The following MAOA variants were observed in gnomAD, a reference collection of about 807,000 sequenced individuals.
MAOA encodes the protein monoamine oxidase A, also known as amine oxidase [flavin-containing] A.
In MAOA, 6 loss-of-function variants were observed where a neutral mutation model predicts 42.0. The observed-to-expected ratio is 0.14, with a 90% CI of 0.08 to 0.28. MAOA has a LOEUF of 0.28. Ranked by LOEUF, MAOA falls within the 10% of genes least tolerant of loss-of-function variation. The pLI is 1.00. For synonymous variants in MAOA, 140 were observed against 154.0 expected, an observed-to-expected ratio of 0.91 and a Z score of 0.67; for missense variants, 262 against 422.3, an observed-to-expected ratio of 0.62 and a Z score of 3.33.
chrX:43,669,061 C>T (rs2033306357), intron 1 of MAOA, among the ~76,000 whole-genome samples: 1 of 110,366 alleles, frequency 9.1e-6, no homozygotes, highest in South Asian at 3.8e-4. Context: ...AAGAAGTGAG[C>T]TTATTTTTTT....
chrX:43,666,298 C>T (rs1315107713), intron 1 of MAOA, among the ~76,000 whole-genome samples: 2 of 112,098 alleles, frequency 1.8e-5, no homozygotes, highest in Non-Finnish European at 3.8e-5. Flanking sequence ...TTCCCCATAA[C>T]TCTTCTTCCC....
chrX:43,662,953 T>C (rs1271020132), intron 1 of MAOA, among the ~76,000 whole-genome samples: 2 of 111,715 alleles, frequency 1.8e-5, no homozygotes, highest in African/African-American at 6.5e-5. Flanking sequence ...TTACCAGCAA[T>C]TTGTATTTTC....
chrX:43,683,538 T>A lies in MAOA; in HGVS notation c.99T>A (p.Thr33=). Residue 33 remains threonine (T), a synonymous_variant, in exon 2 of 15, where the codon ACT becomes ACA. Coordinates refer to ENST00000338702, the MANE Select transcript of MAOA (RefSeq NM_000240.4). ...ISGLSAAKLL[T]EYGVSVLVLE... The stretch of plus-strand genomic sequence containing the variant: ...GACTATCTGCTGCCAAACTCTTGAC[T>A]GAATATGGCGTTAGTGTTTTGGTTT... The A allele has an allele frequency of 8.3e-7, 1 of 1,210,767 alleles. No homozygotes were observed. Among genetic ancestry groups the A allele is most frequent in the Non-Finnish European group, 1.1e-6 (1 of 894,387 alleles).
Position 43,711,929 on chromosome X carries a change from T to C in MAOA, c.364T>C (p.Leu122=), listed in dbSNP as rs998379823. 7 of 1,207,402 alleles carry C rather than the reference T, an allele frequency of 5.8e-6. No homozygotes were observed. The South Asian group carries it at 1.1e-4, about 18-fold the overall frequency. The change falls in exon 4 of 15, where the codon TTG becomes CTG. Residue 122 remains leucine, a synonymous_variant. Transcript: ENST00000338702. ...ACCAGTATGGAATCCCATTGCATATTTGGATTACAATAATCTGTGGAGGAC... is the reference window on the plus strand; with the variant it reads ...ACCAGTATGGAATCCCATTGCATATCTGGATTACAATAATCTGTGGAGGAC... ...FPPVWNPIAY[L]DYNNLWRTID...
At chrX:43,728,137 A>G in intron 5 of MAOA, 36 bp from the exon 6 acceptor site, 1 of 1,193,138 alleles carries the variant, frequency 8.4e-7, no homozygotes, top group Non-Finnish European at 1.1e-6. Flanking sequence ...TCCTGTACAT[A>G]TTGACACCTG....
Position 43,732,571 on chromosome X carries a change from G to C in MAOA, c.956-128G>C, listed in dbSNP as rs1601947851. 3 of 514,549 alleles carry C rather than the reference G, an allele frequency of 5.8e-6. No homozygotes were observed. The East Asian group carries it at 1.1e-4, about 19-fold the overall frequency. The allele number at this position is 514,549 out of a possible 1,213,427, so 42.4% of individuals were successfully genotyped here. A position where few individuals can be genotyped will look rare whatever the true frequency, so the allele number is the denominator to read the frequency against. ...GTGTGTATTTAACAAGACATGTAGG[G>C]TTGGGGCCAAGACCAAGAGTTTAAG... is the stretch of plus-strand genomic sequence containing the variant. On this transcript the variant is annotated intron_variant, in intron 8 of 14. Coordinates refer to ENST00000338702, the MANE Select transcript of MAOA (RefSeq NM_000240.4).
At chrX:43,679,798 A>G (rs1346130767) in intron 1 of MAOA, among the ~76,000 whole-genome samples, 1 of 112,426 alleles carries the variant, frequency 8.9e-6, no homozygotes, top group Non-Finnish European at 1.9e-5. Flanking sequence ...AATATGGAGT[A>G]TTACTTTGAG....
intron 5 of MAOA, among the ~76,000 whole-genome samples, chrX:43,722,231 G>A (rs775093515): frequency 2.1e-4 from 24 of 111,979 alleles, no homozygotes; most frequent in African/African-American, 6.8e-4. Context: ...GTGTCAAATG[G>A]TATTTCTAGT....
Position 43,731,734 on chromosome X carries a change from C to A in MAOA, c.836C>A (p.Ala279Asp), listed in dbSNP as rs747465837. ...AATGCGATCCCTCCGACCTTGACTG[C>A]CAAGATTCACTTCAGACCAGAGCTT... ...VINAIPPTLT[A>D]KIHFRPELPA... The change falls in exon 8 of 15, where the codon GCC (alanine) becomes GAC (aspartate). Residue 279 changes from alanine (A) to aspartate (D), a missense_variant. Ala to Asp is a moderately radical substitution (Grantham distance 126). Coordinates refer to ENST00000338702, the MANE Select transcript of MAOA (RefSeq NM_000240.4). The A allele has an allele frequency of 8.3e-7, 1 of 1,211,149 alleles. No individual in the cohort carries two copies. Among genetic ancestry groups the A allele is most frequent in the Non-Finnish European group, 1.1e-6 (1 of 894,996 alleles).
chrX:43,713,170 C>A (rs111340430), intron 5 of MAOA, among the ~76,000 whole-genome samples: 6,290 of 112,032 alleles, frequency 0.056, 409 homozygotes, highest in African/African-American at 0.19. Context: ...AGAATGAAAT[C>A]ATGTCCTTTT....
chrX:43,717,686 A>G (rs990188361), intron 5 of MAOA, among the ~76,000 whole-genome samples: 1 of 110,646 alleles, frequency 9.0e-6, no homozygotes, highest in Non-Finnish European at 1.9e-5. Context: ...GGGTCATGGT[A>G]TCTTCCATGA....
At chrX:43,713,880 G>A (rs1240779147) in intron 5 of MAOA, among the ~76,000 whole-genome samples, 1 of 111,513 alleles carries the variant, frequency 9.0e-6, no homozygotes, top group Non-Finnish European at 1.9e-5. Context: ...AGTGTAGGGC[G>A]ATGGTATCTT....
intron 5 of MAOA, among the ~76,000 whole-genome samples, chrX:43,717,395 A>AC (rs1319342484): frequency 9.0e-6 from 1 of 111,246 alleles, no homozygotes; most frequent in Non-Finnish European, 1.9e-5. Flanking sequence ...TTCAAGAATT[A>AC]CCCAGAGGAA....
intron 1 of MAOA, among the ~76,000 whole-genome samples, chrX:43,662,340 GA>G (rs2033240923): frequency 9.0e-6 from 1 of 110,604 alleles, no homozygotes; most frequent in Non-Finnish European, 1.9e-5. Flanking sequence ...AAGAATACAA[GA>G]ATTACATTTA....
At chrX:43,671,683 C>A (rs2033337328) in intron 1 of MAOA, among the ~76,000 whole-genome samples, 1 of 101,490 alleles carries the variant, frequency 9.9e-6, no homozygotes, top group African/African-American at 3.6e-5. Context: ...TTCCCAGCAC[C>A]ATTTATTAAA....
At chrX:43,704,944 C>A (rs1228094832) in intron 3 of MAOA, among the ~76,000 whole-genome samples, 1 of 111,872 alleles carries the variant, frequency 8.9e-6, no homozygotes, top group Non-Finnish European at 1.9e-5. Context: ...TACAAAATAA[C>A]ATTGAAATAA....
Position 43,722,984 on chromosome X carries a change from T to C in MAOA, c.504-5189T>C, listed in dbSNP as rs1054429285. 2.7e-5 allele frequency among the ~76,000 whole-genome samples: 3 copies of C among 111,734 alleles called. No homozygotes were observed. In the Admixed American group the frequency reaches 2.9e-4, roughly 11 times the overall value. On this transcript the variant is annotated intron_variant, in intron 5 of 14. Transcript: ENST00000338702. ...CTTGTTTTTGTCAGTTTGTCAAAGATCAAATGGTTGTAGATGTGTGGTGTT... is the reference window on the plus strand; with the variant it reads ...CTTGTTTTTGTCAGTTTGTCAAAGACCAAATGGTTGTAGATGTGTGGTGTT...
At chrX:43,713,635 G>A (rs1341052077) in intron 5 of MAOA, among the ~76,000 whole-genome samples, 2 of 111,557 alleles carry the variant, frequency 1.8e-5, no homozygotes, top group Non-Finnish European at 3.8e-5. Context: ...GAATGGGGGT[G>A]AACTTCTTAG....
intron 2 of MAOA, among the ~76,000 whole-genome samples, chrX:43,688,495 G>C (rs2033506531): frequency 9.0e-6 from 1 of 111,699 alleles, no homozygotes; most frequent in Admixed American, 9.5e-5. Context: ...TGGCCAGGCT[G>C]GTGTGTTTTA....
Sources: gnomAD v4.1 joint callset for allele counts (sites outside exome capture counted in the v4.1 genomes callset) on GRCh38, gnomAD v4.1.1 for gene constraint, MANE v1.5 for transcripts, NCBI Gene and HGNC (gene_info 2026-07-23, HGNC 2026-07-21) for gene names.